Variants in ATRNL1 observed in about 807,000 individuals in gnomAD.
The protein encoded by ATRNL1 is attractin-like protein 1.
ATRNL1 carries 95 observed loss-of-function variants against 182.7 expected under a neutral mutation model. That is an observed-to-expected ratio of 0.52 (90% CI 0.44 to 0.62). The LOEUF (loss-of-function observed/expected upper bound fraction) is 0.62, where lower values mean the gene tolerates loss of function less well. Ranked by LOEUF, ATRNL1 falls within the 20% of genes least tolerant of loss-of-function variation. The pLI is 0.00. For synonymous variants in ATRNL1, 576 were observed against 568.3 expected (o/e 1.01, Z -0.19); for missense variants, 1,471 against 1,679.5 (o/e 0.88, Z 2.17).
chr10:115,431,564 C>T (rs1414669400), intron 21 of ATRNL1, among the ~76,000 whole-genome samples: 1 of 151,774 alleles, frequency 6.6e-6, no homozygotes, highest in Non-Finnish European at 1.5e-5. Flanking sequence ...ACAGTTTTTC[C>T]CTGTATTTTT....
intron 25 of ATRNL1, among the ~76,000 whole-genome samples, chr10:115,524,642 A>G (rs1565129829): frequency 6.6e-6 from 1 of 152,196 alleles, no homozygotes; most frequent in Non-Finnish European, 1.5e-5. Flanking sequence ...CTTTTCCACT[A>G]TGACTGATCT....
At chr10:115,365,185 C>G (rs1370868953) in intron 19 of ATRNL1, among the ~76,000 whole-genome samples, 1 of 152,164 alleles carries the variant, frequency 6.6e-6, no homozygotes, top group Non-Finnish European at 1.5e-5. Flanking sequence ...CTGAGTATTG[C>G]CACAATTTCA....
chr10:115,619,291 C>T (rs1249995066), intron 26 of ATRNL1, among the ~76,000 whole-genome samples: 1 of 152,104 alleles, frequency 6.6e-6, no homozygotes, highest in Non-Finnish European at 1.5e-5. Context: ...GTGAGCCATT[C>T]CATGGGGCCA....
intron 27 of ATRNL1, among the ~76,000 whole-genome samples, chr10:115,766,805 C>T (rs536949445): frequency 6.6e-6 from 1 of 152,228 alleles, no homozygotes; most frequent in East Asian, 1.9e-4. Context: ...TGGGCTGAAT[C>T]TTCTCTAGAA....
At chr10:115,590,698 A>G (rs1473825485) in intron 26 of ATRNL1, among the ~76,000 whole-genome samples, 1 of 152,196 alleles carries the variant, frequency 6.6e-6, no homozygotes, top group Non-Finnish European at 1.5e-5. Context: ...GCCTTGAAGT[A>G]AAAATGCAAA....
chr10:115,136,153 A>G (rs1845505254), intron 5 of ATRNL1, among the ~76,000 whole-genome samples: 1 of 152,084 alleles, frequency 6.6e-6, no homozygotes, highest in African/African-American at 2.4e-5. Context: ...AGGGCACACA[A>G]GTTTGTTGTA....
intron 27 of ATRNL1, among the ~76,000 whole-genome samples, chr10:115,846,187 A>G (rs1950923268): frequency 6.6e-6 from 1 of 152,042 alleles, no homozygotes; most frequent in South Asian, 2.1e-4. Context: ...GAACATTTTT[A>G]TGCCCTTTGC....
intron 26 of ATRNL1, among the ~76,000 whole-genome samples, chr10:115,723,426 C>T (rs545889475): frequency 2.0e-5 from 3 of 151,980 alleles, no homozygotes; most frequent in East Asian, 1.9e-4. Context: ...GGAATGATAC[C>T]GTATTTGAAG....
At chr10:115,777,482 G>A (rs145458296) in intron 27 of ATRNL1, among the ~76,000 whole-genome samples, 289 of 152,168 alleles carry the variant, frequency 1.9e-3, no homozygotes, top group African/African-American at 6.7e-3. Context: ...TATATTTCCT[G>A]TAATAGATCT....
At chr10:115,229,930 T>C (rs1849853986) in intron 9 of ATRNL1, among the ~76,000 whole-genome samples, 4 of 152,184 alleles carry the variant, frequency 2.6e-5, no homozygotes, top group Admixed American at 2.6e-4. Context: ...CTACCTGTGC[T>C]AAGAAAGAGG....
chr10:115,237,477 G>C (rs977542671), intron 9 of ATRNL1, among the ~76,000 whole-genome samples: 1 of 152,200 alleles, frequency 6.6e-6, no homozygotes, highest in South Asian at 2.1e-4. Flanking sequence ...ATTTCCCTGT[G>C]ACATGTAATG....
At chr10:115,644,135 A>G (rs527314346) in intron 26 of ATRNL1, among the ~76,000 whole-genome samples, 1 of 152,304 alleles carries the variant, frequency 6.6e-6, no homozygotes, top group African/African-American at 2.4e-5. Context: ...TGGTACTAAA[A>G]GGAACTAAAC....
intron 28 of ATRNL1, among the ~76,000 whole-genome samples, chr10:115,900,533 A>C (rs1414782738): frequency 6.6e-6 from 1 of 152,260 alleles, no homozygotes; most frequent in Non-Finnish European, 1.5e-5. Context: ...AGTGCTTATG[A>C]TGTGCCAGAT....
At chr10:115,825,299 G>A (rs1199118758) in intron 27 of ATRNL1, among the ~76,000 whole-genome samples, 1 of 152,076 alleles carries the variant, frequency 6.6e-6, no homozygotes, top group African/African-American at 2.4e-5. Flanking sequence ...GGGACTAGGG[G>A]AGAGATAACA....
intron 28 of ATRNL1, among the ~76,000 whole-genome samples, chr10:115,918,443 A>T (rs1048611897): frequency 6.6e-6 from 1 of 152,200 alleles, no homozygotes; most frequent in African/African-American, 2.4e-5. Flanking sequence ...AGTTGTACAG[A>T]TCTAGAAGTA....
chr10:115,468,946 G>T (rs1175910677), intron 23 of ATRNL1, among the ~76,000 whole-genome samples: 1 of 150,618 alleles, frequency 6.6e-6, no homozygotes, highest in African/African-American at 2.4e-5. Flanking sequence ...CTAAGCTAGT[G>T]CCTAGTACAT....
At chr10:115,454,161 C>T (rs1410168505) in intron 21 of ATRNL1, among the ~76,000 whole-genome samples, 2 of 152,004 alleles carry the variant, frequency 1.3e-5, no homozygotes, top group Non-Finnish European at 2.9e-5. Flanking sequence ...AAGAGACTAT[C>T]CCTTCCCCAT....
chr10:115,239,220 G>C (rs1329014794), intron 9 of ATRNL1, among the ~76,000 whole-genome samples: 1 of 151,888 alleles, frequency 6.6e-6, no homozygotes, highest in African/African-American at 2.4e-5. Flanking sequence ...AGAGACTAGA[G>C]ATTATTTTAT....
At chr10:115,608,372 C>T (rs1198233705) in intron 26 of ATRNL1, among the ~76,000 whole-genome samples, 4 of 152,038 alleles carry the variant, frequency 2.6e-5, no homozygotes, top group Admixed American at 2.6e-4. Context: ...ATTAGAGCAA[C>T]TACCATTTGA....
Sources: allele counts gnomAD v4.1 joint callset (sites outside exome capture counted in the v4.1 genomes callset), GRCh38; gene constraint gnomAD v4.1.1; transcripts MANE v1.5; gene names NCBI Gene and HGNC (gene_info 2026-07-23, HGNC 2026-07-21).